Variants in ZC3H11A observed in about 807,000 individuals in gnomAD.
The protein encoded by ZC3H11A is zinc finger CCCH-type containing 11A, also known as zinc finger CCCH domain-containing protein 11A.
Under a neutral mutation model 90.8 loss-of-function variants are expected in ZC3H11A, and 22 were observed. That is an observed-to-expected ratio of 0.24 (90% confidence interval 0.17 to 0.35). The LOEUF is 0.35. Among genes scored for constraint, ZC3H11A ranks in the 10% least tolerant of loss-of-function variants. The pLI is 1.00. For synonymous variants in ZC3H11A, 294 were observed against 339.8 expected, an observed-to-expected ratio of 0.87 and a Z score of 1.48; for missense variants, 701 against 964.9, an observed-to-expected ratio of 0.73 and a Z score of 3.62.
rs1404235027 is a variant in ZC3H11A at position 203,829,797 on chromosome 1, G to A, written c.520G>A (p.Gly174Ser). The A allele has an allele frequency of 2.5e-6, 4 of 1,613,912 alleles. No homozygotes were observed. Among genetic ancestry groups the A allele is most frequent in the Non-Finnish European group, 3.4e-6 (4 of 1,179,978 alleles). The part of the protein sequence containing the change: ...EDDDDQFSEE[G>S]DETKTPTLQP... Reference sequence around the variant, plus strand: ...ATATATAGATCAGTTTTCTGAGGAAGGTGATGAAACCAAAACACCTACCCT... The same window carrying A: ...ATATATAGATCAGTTTTCTGAGGAAAGTGATGAAACCAAAACACCTACCCT... Residue 174 changes from glycine (G) to serine (S), a missense_variant, in exon 7 of 18, where the codon GGT (glycine) becomes AGT (serine). Gly to Ser is a moderately conservative substitution (Grantham distance 56). This residue lies in a region of ZC3H11A where 530 missense variants were observed against 696.2 expected (regional missense o/e 0.76). Coordinates refer to ENST00000367210, the MANE Select transcript of ZC3H11A (RefSeq NM_001376342.1).
chr1:203,806,830 CT>C (rs373591619), intron 2 of ZC3H11A, among the ~76,000 whole-genome samples: 11 of 117,850 alleles, frequency 9.3e-5, no homozygotes, highest in South Asian at 2.8e-4. Context: ...CCTCAGGTTC[CT>C]TTTTTTTTTT....
intron 1 of ZC3H11A, chr1:203,798,709 A>G: frequency 6.5e-7 from 1 of 1,536,136 alleles, no homozygotes; most frequent in African/African-American, 1.4e-5. Flanking sequence ...CGTGCGCAGG[A>G]GAGAGAAACA....
At chr1:203,831,317 T>C (rs902219601) in intron 8 of ZC3H11A, among the ~76,000 whole-genome samples, 7 of 152,154 alleles carry the variant, frequency 4.6e-5, no homozygotes, top group Admixed American at 6.6e-5. Flanking sequence ...GATGATTAAA[T>C]AGAATAGGTT....
intron 4 of ZC3H11A, among the ~76,000 whole-genome samples, chr1:203,820,487 T>TGTGTGTGTGTGTGTGTGTG (rs1553263519): frequency 6.6e-6 from 1 of 152,054 alleles, no homozygotes; most frequent in African/African-American, 2.4e-5. Context: ...TGTGTGTATA[T>TGTGTGTGTGTGTGTGTGTG]TTTGAGTTGA....
intron 2 of ZC3H11A, among the ~76,000 whole-genome samples, chr1:203,805,415 G>A (rs1024416726): frequency 3.3e-5 from 5 of 152,134 alleles, no homozygotes; most frequent in African/African-American, 1.2e-4. Context: ...ACAGGTGTGA[G>A]CCACCGCGCC....
chr1:203,831,728 T>C lies in ZC3H11A; in HGVS notation c.768T>C (p.Asn256=). Residue 256 remains asparagine (N), a synonymous_variant, in exon 9 of 18, where the codon AAT becomes AAC. Coordinates refer to ENST00000367210, the MANE Select transcript of ZC3H11A (RefSeq NM_001376342.1). ...PEPVPGPEKE[N]VRTVVRTVTL... is the part of the protein sequence containing the mutation. ...CCGTTCCAGGTCCTGAAAAAGAAAA[T>C]GTCAGGACTGTGGTGAGGACAGTAA... The C allele has an allele frequency of 2.5e-6, 4 of 1,613,026 alleles. No individual in the cohort carries two copies. Among genetic ancestry groups the C allele is most frequent in the Non-Finnish European group, 3.4e-6 (4 of 1,179,556 alleles).
intron 1 of ZC3H11A, chr1:203,799,862 C>A (rs1669985926): frequency 1.3e-6 from 2 of 1,535,004 alleles, no homozygotes; most frequent in South Asian, 1.2e-5. Context: ...GTTTGGAAGA[C>A]TTTTTTCCTC....
Position 203,852,443 on chromosome 1 carries a change from T to C in ZC3H11A, c.*44T>C, listed in dbSNP as rs780749126. 9 of 1,601,292 alleles carry C rather than the reference T, an allele frequency of 5.6e-6. No individual in the cohort carries two copies. In the East Asian group the frequency reaches 2.0e-4, roughly 36 times the overall value. On this transcript the variant is annotated 3_prime_UTR_variant, in exon 18 of 18. Transcript: ENST00000367210. ...TTTAAAAAAAAAATCGCCAAAAAAC[T>C]GGACTTAGTTTCATCTATTGTAACA...
intron 1 of ZC3H11A, chr1:203,799,067 G>T: frequency 6.5e-7 from 1 of 1,536,138 alleles, no homozygotes; most frequent in Non-Finnish European, 8.7e-7. Context: ...ATAATGGCAG[G>T]ATCCCCGATT....
Position 203,818,480 on chromosome 1 carries a change from C to A in ZC3H11A, c.55-90C>A, listed in dbSNP as rs535316180. On this transcript the variant is annotated intron_variant, in intron 3 of 17. Coordinates refer to ENST00000367210, the MANE Select transcript of ZC3H11A (RefSeq NM_001376342.1). ...ACCAGTCCTTTCTTACTCATTTGTG[C>A]TTGTCTAAATTCCAGGAGCTCTTGT... The A allele has an allele frequency of 7.1e-6, 11 of 1,555,378 alleles. No individual in the cohort carries two copies. In the South Asian group the frequency reaches 1.1e-4, roughly 16 times the overall value.
intron 4 of ZC3H11A, among the ~76,000 whole-genome samples, chr1:203,826,749 G>A (rs377571931): frequency 4.3e-4 from 66 of 152,170 alleles, no homozygotes; most frequent in African/African-American, 1.5e-3. Context: ...TTAGAGATTC[G>A]ACATAATGCA....
At chr1:203,815,441 A>G (rs1378492425) in intron 2 of ZC3H11A, among the ~76,000 whole-genome samples, 2 of 145,482 alleles carry the variant, frequency 1.4e-5, no homozygotes, top group Non-Finnish European at 3.0e-5. Flanking sequence ...CTGGTCTCGA[A>G]CTCCTGGACT....
intron 2 of ZC3H11A, among the ~76,000 whole-genome samples, chr1:203,816,024 C>T (rs148577932): frequency 5.5e-4 from 83 of 152,264 alleles, no homozygotes; most frequent in Non-Finnish European, 1.0e-3. Context: ...GTGTACACCT[C>T]TAGTCGTCTT....
At chr1:203,815,419 A>G (rs1676053053) in intron 2 of ZC3H11A, among the ~76,000 whole-genome samples, 1 of 127,754 alleles carries the variant, frequency 7.8e-6, no homozygotes, top group South Asian at 2.4e-4. Context: ...GGGTTTTGCC[A>G]TGTTGTCCAG....
intron 2 of ZC3H11A, chr1:203,806,121 G>T: frequency 2.0e-6 from 1 of 502,564 alleles, no homozygotes; most frequent in South Asian, 1.5e-5. Flanking sequence ...CTCTCATCTT[G>T]ATCTGGTCCT....
At chr1:203,806,115 C>T (rs927319333) in intron 2 of ZC3H11A, 7 of 501,026 alleles carry the variant, frequency 1.4e-5, no homozygotes, top group African/African-American at 7.9e-5. Context: ...GACCCCCTCT[C>T]ATCTTGATCT....
rs747921054 is a variant in ZC3H11A at position 203,847,376 on chromosome 1, A to G, written c.1235A>G (p.Glu412Gly). 6.2e-7 allele frequency: 1 copy of G among 1,613,802 alleles called. No homozygotes were observed. The highest frequency in any genetic ancestry group is 1.7e-5 in the Admixed American group (1 of 59,960). Residue 412 changes from glutamate (E) to glycine (G), a missense_variant, in exon 13 of 18, where the codon GAA becomes GGA. Transcript: ENST00000367210. ...AAAACCTTCTCTGAGGTCCTGGCTG[A>G]AAAAAAACATCGGCAGCAGGAAGCA... is the stretch of plus-strand genomic sequence containing the variant. ...RIKTFSEVLAEKKHRQQEAER... is the reference protein window; with the variant it reads ...RIKTFSEVLAGKKHRQQEAER...
At chr1:203,840,855 A>G (rs1156867725) in intron 12 of ZC3H11A, among the ~76,000 whole-genome samples, 4 of 152,040 alleles carry the variant, frequency 2.6e-5, no homozygotes, top group Non-Finnish European at 5.9e-5. Context: ...GCTGGTCTCA[A>G]ACTCCTGACC....
At position 203,838,087 on chromosome 1, in the gene ZC3H11A, T is replaced by G. The variant is rs746555049; in HGVS notation, c.973+23T>G. The G allele has an allele frequency of 2.5e-6, 4 of 1,600,226 alleles. No individual in the cohort carries two copies. In the African/African-American group the frequency reaches 5.4e-5, roughly 21 times the overall value. The stretch of plus-strand genomic sequence containing the variant: ...AAGGTACCTGTGTTCTTACATACTT[T>G]GTGTGTGTATGTAATTATGACACTT... On this transcript the variant is annotated intron_variant, in intron 11 of 17. Transcript: ENST00000367210.
Sources: allele counts gnomAD v4.1 joint callset (sites outside exome capture counted in the v4.1 genomes callset), GRCh38; gene constraint gnomAD v4.1.1; regional missense constraint gnomAD v4.1.1; transcripts MANE v1.5; gene names NCBI Gene and HGNC (gene_info 2026-07-23, HGNC 2026-07-21).